Variants in CNTNAP3 observed in about 807,000 individuals in gnomAD.
The protein encoded by CNTNAP3 is contactin-associated protein-like 3.
CNTNAP3 carries 36 observed loss-of-function variants against 92.1 expected under a neutral mutation model. That is an observed-to-expected ratio of 0.39 (90% CI 0.30 to 0.52). The LOEUF is 0.52. Among genes scored for constraint, CNTNAP3 ranks in the 20% least tolerant of loss-of-function variants. CNTNAP3 has a pLI of 0.76. For synonymous variants in CNTNAP3, 232 were observed against 422.3 expected, an observed-to-expected ratio of 0.55 and a Z score of 5.53; for missense variants, 534 against 1,069.6, an observed-to-expected ratio of 0.50 and a Z score of 6.98.
At position 39,066,025 on chromosome 9, in the gene CNTNAP3, T is replaced by TCTTTGTC. The variant is rs1825502342; in HGVS notation, c.*7858_*7864dup. On this transcript the variant is annotated 3_prime_UTR_variant, in exon 24 of 24. Coordinates refer to ENST00000297668, the MANE Select transcript of CNTNAP3 (RefSeq NM_033655.5). ...TTTGCTTTCTATTTGTCCCATTTGT[T>TCTTTGTC]CTTTGTCCTCTTTCTCATCTTTTTT... is the stretch of plus-strand genomic sequence containing the variant. Among the ~76,000 whole-genome samples the TCTTTGTC allele has an allele frequency of 6.6e-6, 1 of 152,244 alleles. No individual in the cohort carries two copies. The highest frequency in any genetic ancestry group is 6.5e-5 in the Admixed American group (1 of 15,284).
At chr9:39,148,612 G>A (rs571472776) in intron 10 of CNTNAP3, among the ~76,000 whole-genome samples, 9 of 149,098 alleles carry the variant, frequency 6.0e-5, no homozygotes, top group East Asian at 6.0e-4. Context: ...TGCAAGCTCC[G>A]CCTCCACGGT....
At chr9:39,118,657 T>C (rs976163945) in intron 13 of CNTNAP3, among the ~76,000 whole-genome samples, 4 of 151,870 alleles carry the variant, frequency 2.6e-5, no homozygotes, top group Admixed American at 6.6e-5. Context: ...TACAAAGACA[T>C]TGATTTATCT....
At chr9:39,147,988 C>T (rs1007175797) in intron 10 of CNTNAP3, among the ~76,000 whole-genome samples, 1 of 152,128 alleles carries the variant, frequency 6.6e-6, no homozygotes, top group African/African-American at 2.4e-5. Context: ...GAGCTGACAG[C>T]TCTTGTCACT....
intron 12 of CNTNAP3, among the ~76,000 whole-genome samples, chr9:39,137,341 C>A (rs976667390): frequency 1.6e-4 from 24 of 151,880 alleles, no homozygotes; most frequent in Admixed American, 9.2e-4. Context: ...TGATCTCTAG[C>A]ACTCCTTTTT....
chr9:39,076,866 G>T (rs1300010210), intron 23 of CNTNAP3, among the ~76,000 whole-genome samples: 1 of 152,290 alleles, frequency 6.6e-6, no homozygotes, highest in Non-Finnish European at 1.5e-5. Context: ...TACTTGGGCT[G>T]CTGAGGCAGG....
At chr9:39,137,775 C>A (rs1322914882) in intron 12 of CNTNAP3, among the ~76,000 whole-genome samples, 3 of 152,112 alleles carry the variant, frequency 2.0e-5, no homozygotes, top group Admixed American at 6.5e-5. Flanking sequence ...CAGCCTCCCA[C>A]AGTGCTGGGA....
intron 13 of CNTNAP3, among the ~76,000 whole-genome samples, chr9:39,128,822 A>T (rs867959694): frequency 2.6e-5 from 4 of 151,250 alleles, no homozygotes; most frequent in African/African-American, 9.8e-5. Flanking sequence ...AAGAGCTTAT[A>T]AGATTAGTAT....
In CNTNAP3 at chr9:39,078,926, G is replaced by C. The variant is rs1377953936; in HGVS notation, c.3443-6C>G. ...CGGGTCCGCGCCGGCAGCCTCTGAGGACAGAAGGGGAACACACAGTTAGGG... is the reference window on the plus strand; with the variant it reads ...CGGGTCCGCGCCGGCAGCCTCTGAGCACAGAAGGGGAACACACAGTTAGGG... On this transcript the variant is annotated splice_polypyrimidine_tract_variant and splice_region_variant and intron_variant, in intron 21 of 23. Transcript: ENST00000297668. 2 of 1,533,082 alleles carry C rather than the reference G, an allele frequency of 1.3e-6. No individual in the cohort carries two copies. The highest frequency in any genetic ancestry group is 2.7e-5 in the African/African-American group (2 of 72,806). The allele number at this position is 1,533,082 out of a possible 1,614,324, so 95.0% of individuals were successfully genotyped here.
intron 13 of CNTNAP3, among the ~76,000 whole-genome samples, chr9:39,123,509 G>T (rs1328355702): frequency 6.6e-5 from 10 of 151,936 alleles, no homozygotes; most frequent in Admixed American, 1.3e-4. Context: ...AGTTGAGAAT[G>T]TTTCAAAATT....
intron 12 of CNTNAP3, among the ~76,000 whole-genome samples, chr9:39,135,224 T>G (rs559382675): frequency 1.1e-4 from 16 of 152,286 alleles, no homozygotes; most frequent in African/African-American, 3.4e-4. Context: ...ATAAGCATAT[T>G]GGAACTGGAA....
intron 12 of CNTNAP3, among the ~76,000 whole-genome samples, chr9:39,134,977 TTA>T (rs1821395990): frequency 2.6e-5 from 4 of 152,156 alleles, no homozygotes; most frequent in Non-Finnish European, 5.9e-5. Context: ...TCACCCATGG[TTA>T]AGATGTGATC....
Position 39,067,464 on chromosome 9 carries a change from C to A in CNTNAP3, c.*6426G>T, listed in dbSNP as rs1825533876. Among the ~76,000 whole-genome samples, 1 of 152,312 alleles carries A rather than the reference C, an allele frequency of 6.6e-6. No homozygotes were observed. The highest frequency in any genetic ancestry group is 1.5e-5 in the Non-Finnish European group (1 of 68,058). On this transcript the variant is annotated 3_prime_UTR_variant, in exon 24 of 24. Transcript: ENST00000297668. ...CCAGGCTGGAGTGCAATGGCGCAAT[C>A]TCGGCCCACTGCAAACTCTGCCTCC...
intron 9 of CNTNAP3, chr9:39,159,649 TAG>T: frequency 7.8e-5 from 11 of 140,408 alleles, no homozygotes; most frequent in Non-Finnish European, 1.1e-4. Context: ...GATAGATAGA[TAG>T]ATAGATAGAT....
At chr9:39,153,850 C>T (rs527274028) in intron 9 of CNTNAP3, among the ~76,000 whole-genome samples, 2 of 144,266 alleles carry the variant, frequency 1.4e-5, no homozygotes, top group Admixed American at 6.8e-5. Context: ...AGAGCCACCG[C>T]GTCTGGCCTA....
At chr9:39,074,689 T>A (rs905617203) in intron 23 of CNTNAP3, among the ~76,000 whole-genome samples, 1 of 152,234 alleles carries the variant, frequency 6.6e-6, no homozygotes, top group Non-Finnish European at 1.5e-5. Flanking sequence ...TGCATCATCA[T>A]AGATCATTAC....
intron 9 of CNTNAP3, chr9:39,159,271 A>G (rs535088855): frequency 6.7e-5 from 10 of 149,044 alleles, no homozygotes; most frequent in Non-Finnish European, 1.5e-4. Context: ...AAGGCCATAC[A>G]CAATCCAAAC....
At chr9:39,083,306 CA>C (rs1825988557) in intron 21 of CNTNAP3, among the ~76,000 whole-genome samples, 2 of 151,410 alleles carry the variant, frequency 1.3e-5, no homozygotes, top group Non-Finnish European at 1.5e-5. Context: ...TGGGAGCAGA[CA>C]AAAAGGCATC....
chr9:39,113,546 C>A (rs1820761060), intron 14 of CNTNAP3, among the ~76,000 whole-genome samples: 1 of 151,490 alleles, frequency 6.6e-6, no homozygotes, highest in Non-Finnish European at 1.5e-5. Flanking sequence ...TCTATGTAGG[C>A]AATCATATTA....
chr9:39,106,413 T>C (rs1826607356), intron 15 of CNTNAP3: 1 of 152,146 alleles, frequency 6.6e-6, no homozygotes, highest in South Asian at 2.1e-4. Flanking sequence ...ACCTAAGCCT[T>C]CCTAGTTGCT....
Sources: gnomAD v4.1 joint callset for allele counts (sites outside exome capture counted in the v4.1 genomes callset) on GRCh38, gnomAD v4.1.1 for gene constraint, MANE v1.5 for transcripts, NCBI Gene and HGNC (gene_info 2026-07-23, HGNC 2026-07-21) for gene names.